ZNF541: variants seen among roughly 807,000 people sequenced by gnomAD.
The protein encoded by ZNF541 is zinc finger protein 541.
Under a neutral mutation model 123.5 loss-of-function variants are expected in ZNF541, and 23 were observed. The ratio of observed to expected loss-of-function variants is 0.19; its 90% CI spans 0.13 to 0.26. The LOEUF is 0.26. Ranked by LOEUF, ZNF541 falls within the 10% of genes least tolerant of loss-of-function variation. The pLI, the probability that ZNF541 is intolerant of heterozygous loss-of-function variation, is 1.00. For missense variants in ZNF541, 1,612 were observed against 1,789.9 expected, an observed-to-expected ratio of 0.90 and a Z score of 1.79; for synonymous variants, 751 against 754.5, an observed-to-expected ratio of 1.00 and a Z score of 0.08.
chr19:47,540,226 A>C lies in ZNF541; in HGVS notation c.2572T>G (p.Cys858Gly), dbSNP rs1216918134. 6.4e-7 allele frequency: 1 copy of C among 1,551,692 alleles called. No homozygotes were observed. Among genetic ancestry groups the C allele is most frequent in the Non-Finnish European group, 8.7e-7 (1 of 1,147,006 alleles). Residue 858 changes from cysteine to glycine, a missense_variant, in exon 7 of 17, where the codon TGT becomes GGT. Cys to Gly is a radical substitution (Grantham distance 159). This residue lies in a region of ZNF541 where 1,080 missense variants were observed against 1,013.8 expected (regional missense o/e 1.07). Transcript: ENST00000391901. ...YTEKGLSSHM[C>G]FHSDQWPSPR... ...GACGGCCACTGGTCGCTGTGAAAAC[A>C]CATGTGGCTGCTCAGCCCTTTCTCC... is the stretch of plus-strand genomic sequence containing the variant.
At chr19:47,547,114 G>A (rs959869791) in intron 4 of ZNF541, among the ~76,000 whole-genome samples, 4 of 152,048 alleles carry the variant, frequency 2.6e-5, no homozygotes, top group Non-Finnish European at 4.4e-5. Flanking sequence ...TTTTGGTTTT[G>A]TTTTCAAAAA....
chr19:47,558,611 T>G (rs889192772), intron 2 of ZNF541, among the ~76,000 whole-genome samples: 9 of 151,538 alleles, frequency 5.9e-5, no homozygotes, highest in South Asian at 2.1e-4. Flanking sequence ...TTTTTTTTTT[T>G]GAGATGGAGT....
chr19:47,567,599 T>C (rs1400227276), intron 2 of ZNF541, among the ~76,000 whole-genome samples: 1 of 152,252 alleles, frequency 6.6e-6, no homozygotes, highest in Non-Finnish European at 1.5e-5. Flanking sequence ...ATGGCTACCA[T>C]ATCAGATGGT....
rs1188465855 is a variant in ZNF541 at position 47,545,385 on chromosome 19, C to A, written c.1144G>T (p.Glu382Ter). 1 of 1,521,448 alleles carries A rather than the reference C, an allele frequency of 6.6e-7. No homozygotes were observed. The allele number at this position is 1,521,448 out of a possible 1,614,324, so 94.2% of individuals were successfully genotyped here. A position where few individuals can be genotyped will look rare whatever the true frequency, so the allele number is the denominator to read the frequency against. The change falls in exon 5 of 17, where the codon GAG (glutamate) becomes TAG (stop). Residue 382 changes from glutamate to a stop codon, truncating the protein, a stop_gained. Transcript: ENST00000391901. LOFTEE classifies it high-confidence loss of function. The surrounding 1 kb of genome is among the most constrained non-coding windows in gnomAD (Gnocchi z 7.5). ...TALLQARSTA[E>*]CWPEGGSVPA... ...ACGGAGCCGCCTTCGGGCCAGCACT[C>A]CGCGGTGGACCGGGCCTGGAGCAGC... is the stretch of plus-strand genomic sequence containing the variant.
intron 3 of ZNF541, among the ~76,000 whole-genome samples, chr19:47,551,434 C>G (rs1970595700): frequency 6.6e-6 from 1 of 151,592 alleles, no homozygotes; most frequent in African/African-American, 2.4e-5. Context: ...TTCACAGACG[C>G]AATCATAGCT....
intron 4 of ZNF541, 101 bp downstream of exon 4, chr19:47,549,144 C>T (rs959778323): frequency 2.4e-5 from 35 of 1,489,336 alleles, no homozygotes; most frequent in African/African-American, 1.7e-4. Context: ...CAACAGAGGA[C>T]GAGACAGCAG....
intron 1 of ZNF541, among the ~76,000 whole-genome samples, chr19:47,572,706 G>A (rs1159812946): frequency 1.3e-5 from 2 of 152,000 alleles, no homozygotes; most frequent in Non-Finnish European, 2.9e-5. Context: ...CAGAAGGTGG[G>A]GAGGTCGGGT....
Position 47,540,303 on chromosome 19 carries a change from G to C in ZNF541, c.2495C>G (p.Thr832Arg). 2 of 1,552,098 alleles carry C rather than the reference G, an allele frequency of 1.3e-6. No individual in the cohort carries two copies. Among genetic ancestry groups the C allele is most frequent in the Non-Finnish European group, 1.7e-6 (2 of 1,147,064 alleles). Residue 832 changes from threonine (T) to arginine (R), a missense_variant, in exon 7 of 17, where the codon ACG becomes AGG. Around this residue, in one of 5 missense-constraint regions of ZNF541, gnomAD observed 1,080 missense variants for 1,013.8 expected, o/e 1.07. Coordinates refer to ENST00000391901, the MANE Select transcript of ZNF541 (RefSeq NM_001277075.3). ...NQQNGSPTDW[T>R]KPRSTFVCKN... ...GCAGACAAAAGTGCTCCTGGGCTTC[G>C]TCCAGTCTGTGGGACTGCCGTTTTG... is the stretch of plus-strand genomic sequence containing the variant.
At chr19:47,543,572 A>G (rs1486928177) in intron 5 of ZNF541, among the ~76,000 whole-genome samples, 4 of 149,602 alleles carry the variant, frequency 2.7e-5, no homozygotes, top group Admixed American at 6.7e-5. Flanking sequence ...GAAACAAGAG[A>G]AAAAAAAAAG....
intron 10 of ZNF541, 150 bp downstream of exon 10, chr19:47,532,758 AC>A (rs1420124711): frequency 3.7e-6 from 2 of 545,818 alleles, no homozygotes; most frequent in Non-Finnish European, 6.5e-6. Context: ...GGATCTTCCT[AC>A]ATATATTTGG....
chr19:47,535,275 G>GTTTTACTTT (rs1742678246), intron 9 of ZNF541, among the ~76,000 whole-genome samples: 1 of 152,086 alleles, frequency 6.6e-6, no homozygotes, highest in African/African-American at 2.4e-5. Context: ...ACTCTTACAG[G>GTTTTACTTT]GAAACAAGAG....
Position 47,545,884 on chromosome 19 carries a change from C to G in ZNF541, c.645G>C (p.Arg215=). ...ACAGGCCGTGATGGACCTCGTAGTG[C>G]CGGCGCAGAGAGCGGTAGTCGCAGT... The part of the protein sequence containing the change: ...KSYCDYRSLR[R]HYEVHHGLCI... Residue 215 remains arginine, a synonymous_variant, in exon 5 of 17, where the codon CGG becomes CGC. Transcript: ENST00000391901. This position sits in a 1 kb window ranked among gnomAD's most constrained non-coding sequence, Gnocchi z 7.5. 1.3e-6 allele frequency: 2 copies of G among 1,549,210 alleles called. No individual in the cohort carries two copies. The highest frequency in any genetic ancestry group is 1.7e-6 in the Non-Finnish European group (2 of 1,146,070).
At chr19:47,522,149 A>G (rs1038043215) in intron 14 of ZNF541, among the ~76,000 whole-genome samples, 155 bp from the exon 15 acceptor site, 8 of 152,124 alleles carry the variant, frequency 5.3e-5, no homozygotes, top group African/African-American at 1.9e-4. Flanking sequence ...CAGGACCACA[A>G]AATCCTTCCT....
At position 47,539,733 on chromosome 19, in the gene ZNF541, A is replaced by T. The variant is rs1270573930; in HGVS notation, c.2768T>A (p.Val923Glu). Reference protein sequence around the residue: ...VVPQSIPVVPVTRHIGSMAMG... With the variant: ...VVPQSIPVVPETRHIGSMAMG... The stretch of plus-strand genomic sequence containing the variant: ...GGCCATGCTCCCTATGTGTCGGGTC[A>T]CTGGAACCACGGGGATCGATTGGGG... The change falls in exon 8 of 17, where the codon GTG becomes GAG. Residue 923 changes from valine to glutamate, a missense_variant. Around this residue, in one of 5 missense-constraint regions of ZNF541, gnomAD observed 1,080 missense variants for 1,013.8 expected, o/e 1.07. Transcript: ENST00000391901. The T allele has an allele frequency of 1.4e-6, 2 of 1,443,316 alleles. No individual in the cohort carries two copies. The highest frequency in any genetic ancestry group is 1.8e-6 in the Non-Finnish European group (2 of 1,102,690). The allele number at this position is 1,443,316 out of a possible 1,614,324, so 89.4% of individuals were successfully genotyped here.
chr19:47,539,241 T>C (rs1010222510), intron 8 of ZNF541, among the ~76,000 whole-genome samples: 4 of 151,464 alleles, frequency 2.6e-5, no homozygotes, highest in African/African-American at 9.7e-5. Context: ...AGGGGCTCAG[T>C]GAATGCTGAA....
At chr19:47,532,556 C>T (rs182608733) in intron 10 of ZNF541, among the ~76,000 whole-genome samples, 5 of 152,218 alleles carry the variant, frequency 3.3e-5, no homozygotes, top group East Asian at 3.9e-4. Flanking sequence ...CATGTGTCTA[C>T]GTCCACACCA....
chr19:47,521,246 T>A lies in ZNF541; in HGVS notation c.4019A>T (p.Asp1340Val). The A allele has an allele frequency of 6.4e-7, 1 of 1,551,710 alleles. No homozygotes were observed. The highest frequency in any genetic ancestry group is 8.7e-7 in the Non-Finnish European group (1 of 1,146,994). ...FQLKEEELGA[D>V]IGPLQW is the part of the protein sequence containing the mutation. The stretch of plus-strand genomic sequence containing the variant: ...GAGTCACCACTGCAGGGGGCCGATG[T>A]CAGCTCCCAGCTCCTCTTCCTTTAG... The change falls in exon 17 of 17, where the codon GAC becomes GTC. Residue 1340 changes from aspartate (D) to valine (V), a missense_variant. By Grantham distance (152) the Asp-to-Val change is radical. Around this residue, in one of 5 missense-constraint regions of ZNF541, gnomAD observed 30 missense variants for 48.9 expected, o/e 0.61. Coordinates refer to ENST00000391901, the MANE Select transcript of ZNF541 (RefSeq NM_001277075.3). The surrounding 1 kb of genome is among the most constrained non-coding windows in gnomAD (Gnocchi z 4.2).
intron 9 of ZNF541, among the ~76,000 whole-genome samples, chr19:47,536,656 G>A (rs1969836291): frequency 6.6e-6 from 1 of 152,152 alleles, no homozygotes; most frequent in Non-Finnish European, 1.5e-5. Flanking sequence ...GCTACTCTGG[G>A]CCGAAGCAGA....
At chr19:47,563,754 C>T (rs1366876927) in intron 2 of ZNF541, among the ~76,000 whole-genome samples, 6 of 152,088 alleles carry the variant, frequency 3.9e-5, no homozygotes, top group Admixed American at 3.9e-4. Flanking sequence ...TACAGGCACT[C>T]ACCACCACGC....
Sources: gnomAD v4.1 joint callset for allele counts (sites outside exome capture counted in the v4.1 genomes callset) on GRCh38, gnomAD v4.1.1 for gene constraint, gnomAD v4.1.1 regional missense constraint, Gnocchi (gnomAD v3.1) non-coding constraint, MANE v1.5 for transcripts, NCBI Gene and HGNC (gene_info 2026-07-23, HGNC 2026-07-21) for gene names.